RMDN2: variants seen among roughly 807,000 people sequenced by gnomAD.
The protein encoded by RMDN2 is regulator of microtubule dynamics 2.
Under a neutral mutation model 52.8 loss-of-function variants are expected in RMDN2, and 61 were observed. That is an observed-to-expected ratio of 1.16 (90% CI 0.94 to 1.43). RMDN2 has a LOEUF of 1.43. Among genes scored for constraint, RMDN2 ranks in the 40% most tolerant of loss-of-function variants. The pLI is 0.00. For synonymous variants in RMDN2, 180 were observed against 153.1 expected, an observed-to-expected ratio of 1.18 and a Z score of -1.30; for missense variants, 592 against 475.3, an observed-to-expected ratio of 1.25 and a Z score of -2.28.
At position 37,929,499 on chromosome 2, in the gene RMDN2, G is replaced by T; in HGVS notation, c.222G>T (p.Gln74His). Residue 74 changes from glutamine (Q) to histidine (H), a missense_variant, in exon 2 of 11, where the codon CAG becomes CAT. Coordinates refer to ENST00000354545, the MANE Select transcript of RMDN2 (RefSeq NM_001170791.3). ...TTVIFQERQLQILEKLNELLT... is the reference protein window; with the variant it reads ...TTVIFQERQLHILEKLNELLT... ...TAATCTTTCAAGAAAGGCAACTTCA[G>T]ATACTGGAGAAGTTAAACGAATTAC... 6.4e-7 allele frequency: 1 copy of T among 1,551,224 alleles called. No homozygotes were observed. Among genetic ancestry groups the T allele is most frequent in the South Asian group, 1.2e-5 (1 of 84,050 alleles).
chr2:38,009,265 G>C (rs1677585675), intron 10 of RMDN2, among the ~76,000 whole-genome samples: 1 of 152,156 alleles, frequency 6.6e-6, no homozygotes, highest in African/African-American at 2.4e-5. Flanking sequence ...TTGCTAGATT[G>C]GGGAAGTTCT....
chr2:38,050,070 A>G (rs929788082), intron 10 of RMDN2, among the ~76,000 whole-genome samples: 1 of 152,220 alleles, frequency 6.6e-6, no homozygotes, highest in Admixed American at 6.5e-5. Flanking sequence ...ACATGAGGAA[A>G]CAGCCACTTG....
intron 10 of RMDN2, among the ~76,000 whole-genome samples, chr2:38,061,063 AATTAT>A (rs910422383): frequency 9.9e-5 from 15 of 152,176 alleles, no homozygotes; most frequent in African/African-American, 3.6e-4. Flanking sequence ...GGCCATTTTA[AATTAT>A]ATTTAAAGGC....
chr2:37,979,294 C>T (rs887879681), intron 4 of RMDN2, among the ~76,000 whole-genome samples: 9 of 152,078 alleles, frequency 5.9e-5, no homozygotes, highest in African/African-American at 2.2e-4. Context: ...ACTACGGAAC[C>T]TATTCTATGG....
intron 10 of RMDN2, among the ~76,000 whole-genome samples, chr2:38,010,247 G>C (rs998574379): frequency 1.3e-5 from 2 of 152,236 alleles, no homozygotes; most frequent in African/African-American, 4.8e-5. Flanking sequence ...CTGTCAGACA[G>C]GGACATTTAA....
chr2:37,979,754 C>T (rs891829568), intron 4 of RMDN2, among the ~76,000 whole-genome samples: 4 of 152,072 alleles, frequency 2.6e-5, no homozygotes, highest in African/African-American at 9.7e-5. Context: ...TACTACCCGG[C>T]GTCTTTTTAT....
intron 10 of RMDN2, among the ~76,000 whole-genome samples, chr2:38,026,393 T>C (rs1370994481): frequency 6.6e-6 from 1 of 152,164 alleles, no homozygotes. Flanking sequence ...TTATAACCAA[T>C]GGCTGGAAGT....
At chr2:38,027,508 A>G (rs1424130378) in intron 10 of RMDN2, 1 of 152,216 alleles carries the variant, frequency 6.6e-6, no homozygotes, top group Non-Finnish European at 1.5e-5. Context: ...AAACCTCGAA[A>G]GTATTACATT....
intron 5 of RMDN2, among the ~76,000 whole-genome samples, chr2:37,987,617 CAT>C (rs1674203521): frequency 1.3e-5 from 2 of 152,158 alleles, no homozygotes; most frequent in African/African-American, 4.8e-5. Flanking sequence ...ACAGTATACA[CAT>C]GTCATTATAC....
Position 37,989,556 on chromosome 2 carries a change from T to C in RMDN2, c.807T>C (p.Cys269=), listed in dbSNP as rs1234403049. Residue 269 remains cysteine (C), a synonymous_variant, in exon 6 of 11, where the codon TGT becomes TGC. Coordinates refer to ENST00000354545, the MANE Select transcript of RMDN2 (RefSeq NM_001170791.3). ...TCCTTTTCAGGTATGCAGTTTTGTGTGGCTATGTATCTGAGTTTGAGGGTT... is the reference window on the plus strand; with the variant it reads ...TCCTTTTCAGGTATGCAGTTTTGTGCGGCTATGTATCTGAGTTTGAGGGTT... ...GHCHLWYAVL[C]GYVSEFEGLQ... 3 of 1,612,554 alleles carry C rather than the reference T, an allele frequency of 1.9e-6. No individual in the cohort carries two copies. The East Asian group carries it at 6.7e-5, about 36-fold the overall frequency.
At chr2:37,964,039 C>A (rs982684696) in intron 2 of RMDN2, among the ~76,000 whole-genome samples, 1 of 151,582 alleles carries the variant, frequency 6.6e-6, no homozygotes, top group African/African-American at 2.4e-5. Flanking sequence ...CGGGGGCTGC[C>A]CCCCACCTCC....
At chr2:37,976,838 CT>C (rs891262560) in intron 4 of RMDN2, among the ~76,000 whole-genome samples, 76 of 144,566 alleles carry the variant, frequency 5.3e-4, no homozygotes, top group South Asian at 1.1e-3. Context: ...ACATTTTTTT[CT>C]TTTTTTTTTT....
At chr2:38,063,059 A>G (rs937274936) in intron 10 of RMDN2, among the ~76,000 whole-genome samples, 1 of 152,136 alleles carries the variant, frequency 6.6e-6, no homozygotes, top group African/African-American at 2.4e-5. Context: ...GCTATTGTGA[A>G]TAGTGCCACT....
At chr2:37,980,291 AATT>A (rs1432986116) in intron 4 of RMDN2, among the ~76,000 whole-genome samples, 4 of 152,076 alleles carry the variant, frequency 2.6e-5, no homozygotes, top group African/African-American at 7.2e-5. Context: ...CCTCTATCCA[AATT>A]ATTATTATTT....
chr2:37,973,760 G>T (rs1415486837), intron 2 of RMDN2, among the ~76,000 whole-genome samples: 1 of 152,038 alleles, frequency 6.6e-6, no homozygotes, highest in Non-Finnish European at 1.5e-5. Context: ...TTCCGAGGTA[G>T]GCACGTGATT....
intron 10 of RMDN2, among the ~76,000 whole-genome samples, chr2:38,016,818 G>T (rs1436677098): frequency 6.6e-6 from 1 of 151,930 alleles, no homozygotes; most frequent in Non-Finnish European, 1.5e-5. Context: ...CTTTTTCCAG[G>T]AGGAAGAAAC....
chr2:38,066,968 T>G, intron 10 of RMDN2: 1 of 1,613,818 alleles, frequency 6.2e-7, no homozygotes, highest in Non-Finnish European at 8.5e-7. Flanking sequence ...CTTTTCCTGT[T>G]TTCACATTAA....
At chr2:37,997,058 A>C (rs1214934007) in intron 7 of RMDN2, among the ~76,000 whole-genome samples, 4 of 152,300 alleles carry the variant, frequency 2.6e-5, no homozygotes, top group Admixed American at 2.6e-4. Context: ...TAGTTACCTC[A>C]GAATCCAGAA....
At chr2:38,009,883 G>C (rs944000840) in intron 10 of RMDN2, among the ~76,000 whole-genome samples, 1 of 152,002 alleles carries the variant, frequency 6.6e-6, no homozygotes, top group Non-Finnish European at 1.5e-5. Flanking sequence ...GTACAGATGG[G>C]GTTTTGGTGT....
Sources: allele counts gnomAD v4.1 joint callset (sites outside exome capture counted in the v4.1 genomes callset), GRCh38; gene constraint gnomAD v4.1.1; transcripts MANE v1.5; gene names NCBI Gene and HGNC (gene_info 2026-07-23, HGNC 2026-07-21).